Variants in ZNF215 observed in about 807,000 individuals in gnomAD.
The protein encoded by ZNF215 is BWSCR2-associated zinc finger protein 2.
In ZNF215, 24 loss-of-function variants were observed where a neutral mutation model predicts 27.2. That is an observed-to-expected ratio of 0.88 (90% CI 0.64 to 1.24). ZNF215 has a LOEUF of 1.24. Ranked by LOEUF, ZNF215 falls within the 50% of genes most tolerant of loss-of-function variation. The pLI is 0.00. For synonymous variants in ZNF215, 210 were observed against 204.0 expected, an observed-to-expected ratio of 1.03 and a Z score of -0.25; for missense variants, 675 against 605.7, an observed-to-expected ratio of 1.11 and a Z score of -1.20.
At chr11:6,935,352 A>C (rs1263274156) in intron 3 of ZNF215, among the ~76,000 whole-genome samples, 1 of 152,198 alleles carries the variant, frequency 6.6e-6, no homozygotes, top group East Asian at 1.9e-4. Flanking sequence ...GCCCTAATAC[A>C]CACAATGCAT....
chr11:6,988,235 G>T (rs1851081049), downstream of ZNF215: 7 of 985,516 alleles, frequency 7.1e-6, no homozygotes, highest in Non-Finnish European at 8.4e-6. Context: ...ACTGAAGGAA[G>T]CAGAATGAGG....
chr11:6,954,199 TGAG>T (rs140252757), intron 6 of ZNF215, among the ~76,000 whole-genome samples: 107,983 of 151,612 alleles, frequency 0.71, 38,595 homozygotes, highest in South Asian at 0.8. Flanking sequence ...GGGACCCACT[TGAG>T]GAGGCAGTCT....
chr11:6,939,900 T>C (rs75643440), intron 3 of ZNF215, among the ~76,000 whole-genome samples: 1,529 of 152,118 alleles, frequency 0.01, 29 homozygotes, highest in African/African-American at 0.035. Flanking sequence ...ATTGAGCAGA[T>C]TGACATTCCA....
chr11:6,965,477 A>G (rs1021953574), intron 5 of ZNF215, among the ~76,000 whole-genome samples: 1 of 3,538 alleles, frequency 2.8e-4, no homozygotes, highest in African/African-American at 3.1e-4. Flanking sequence ...ATGTTTCTAG[A>G]ACTATTTATA....
intron 5 of ZNF215, among the ~76,000 whole-genome samples, chr11:6,965,948 C>T (rs1474729685): frequency 6.6e-6 from 1 of 152,008 alleles, no homozygotes; most frequent in African/African-American, 2.4e-5. Flanking sequence ...AAAGTTGTTC[C>T]TTATTTTCTA....
At chr11:6,975,560 C>G (rs1289288097) in intron 5 of ZNF215, among the ~76,000 whole-genome samples, 1 of 151,944 alleles carries the variant, frequency 6.6e-6, no homozygotes, top group East Asian at 1.9e-4. Context: ...CTTCTATTCT[C>G]TACGTCCGTG....
At position 6,956,420 on chromosome 11, in the gene ZNF215, A is replaced by G; in HGVS notation, c.1443A>G (p.Gln481=). 6.2e-7 allele frequency: 1 copy of G among 1,614,144 alleles called. No individual in the cohort carries two copies. Among genetic ancestry groups the G allele is most frequent in the South Asian group, 1.1e-5 (1 of 91,084 alleles). The change falls in exon 7 of 7, where the codon CAA becomes CAG. Residue 481 remains glutamine, a synonymous_variant. Coordinates refer to ENST00000278319, the MANE Select transcript of ZNF215 (RefSeq NM_013250.4). ...GGAGCTCCTCTCTTATTCGACACCA[A>G]ATGATTCACACGGGAGAGAAACCAT... The part of the protein sequence containing the change: ...FNRSSSLIRH[Q]MIHTGEKPFK...
At chr11:6,952,717 G>A (rs1850127646) in intron 6 of ZNF215, among the ~76,000 whole-genome samples, 1 of 152,116 alleles carries the variant, frequency 6.6e-6, no homozygotes, top group Non-Finnish European at 1.5e-5. Flanking sequence ...TTTAATTGGA[G>A]CATTTAGTCC....
At chr11:6,943,521 T>C in intron 5 of ZNF215, 25 bp from the exon 6 acceptor site, 1 of 1,587,178 alleles carries the variant, frequency 6.3e-7, no homozygotes, top group East Asian at 2.2e-5. Context: ...GTTGTTGTTG[T>C]TCTTTTTATT....
downstream of ZNF215, among the ~76,000 whole-genome samples, chr11:6,987,434 C>G (rs985805449): frequency 6.6e-6 from 1 of 152,174 alleles, no homozygotes; most frequent in African/African-American, 2.4e-5. Context: ...TACTCACTAA[C>G]TGGATGACAC....
At chr11:6,952,320 T>C (rs1288632527) in intron 6 of ZNF215, among the ~76,000 whole-genome samples, 1 of 152,214 alleles carries the variant, frequency 6.6e-6, no homozygotes, top group African/African-American at 2.4e-5. Context: ...ATCTATCTAA[T>C]GTTGACAGTA....
chr11:6,956,076 A>G lies in ZNF215; in HGVS notation c.1099A>G (p.Ile367Val), dbSNP rs767914018. ...YGNDLSLSTDIRHQKSHTTMN... is the reference protein window; with the variant it reads ...YGNDLSLSTDVRHQKSHTTMN... ...GAATGACTTGAGTTTGAGTACAGAT[A>G]TTCGACACCAAAAAAGTCATACTAC... is the stretch of plus-strand genomic sequence containing the variant. Residue 367 changes from isoleucine to valine, a missense_variant, in exon 7 of 7, where the codon ATT becomes GTT. Transcript: ENST00000278319. 4 of 1,612,244 alleles carry G rather than the reference A, an allele frequency of 2.5e-6. No homozygotes were observed. The highest frequency in any genetic ancestry group is 2.5e-6 in the Non-Finnish European group (3 of 1,179,524).
chr11:6,989,097 A>C (rs953149033), downstream of ZNF215, among the ~76,000 whole-genome samples: 3 of 138,438 alleles, frequency 2.2e-5, no homozygotes, highest in African/African-American at 8.1e-5. Context: ...CAGAGGTTGC[A>C]GTGAGCCCAG....
chr11:6,963,791 G>A (rs1391898831), intron 5 of ZNF215, among the ~76,000 whole-genome samples: 2 of 151,998 alleles, frequency 1.3e-5, no homozygotes, highest in African/African-American at 2.4e-5. Context: ...ACTAACATTG[G>A]ATATTCCCAG....
At chr11:6,983,593 TA>T (rs1851004845) in intron 5 of ZNF215, among the ~76,000 whole-genome samples, 2 of 152,184 alleles carry the variant, frequency 1.3e-5, no homozygotes, top group Non-Finnish European at 2.9e-5. Flanking sequence ...ATCAAAGTTT[TA>T]AATATGAGAA....
chr11:6,943,564 C>G lies in ZNF215; in HGVS notation c.635C>G (p.Pro212Arg), dbSNP rs1849705177. ...SLRKAHLLSK[P>R]FESLKLESKK... ...TGAACAGCACATCTACTTTCCAAAC[C>G]ATTTGAGAGCCTTAAGTTGGAGAGT... The change falls in exon 6 of 7, where the codon CCA becomes CGA. Residue 212 changes from proline to arginine, a missense_variant. Coordinates refer to ENST00000278319, the MANE Select transcript of ZNF215 (RefSeq NM_013250.4). The G allele has an allele frequency of 3.1e-6, 5 of 1,613,416 alleles. No individual in the cohort carries two copies. Among genetic ancestry groups the G allele is most frequent in the African/African-American group, 1.3e-5 (1 of 74,806 alleles).
chr11:6,959,314 C>G (rs1227965032), downstream of ZNF215, among the ~76,000 whole-genome samples: 2 of 152,130 alleles, frequency 1.3e-5, no homozygotes, highest in Non-Finnish European at 2.9e-5. Flanking sequence ...ATGGAGCTTT[C>G]ATTTCATAGA....
intron 6 of ZNF215, 21 bp from the exon 7 acceptor site, chr11:6,955,669 G>C: frequency 6.5e-7 from 1 of 1,527,724 alleles, no homozygotes; most frequent in South Asian, 1.3e-5. Context: ...CTAGTTCATG[G>C]CATTTTTTAT....
At chr11:6,966,442 A>C (rs527882511) in intron 5 of ZNF215, among the ~76,000 whole-genome samples, 2 of 152,200 alleles carry the variant, frequency 1.3e-5, no homozygotes, top group South Asian at 4.2e-4. Flanking sequence ...CAATTTACCC[A>C]TGTAACAAAC....
Sources: gnomAD v4.1 joint callset for allele counts (sites outside exome capture counted in the v4.1 genomes callset) on GRCh38, gnomAD v4.1.1 for gene constraint, MANE v1.5 for transcripts, NCBI Gene and HGNC (gene_info 2026-07-23, HGNC 2026-07-21) for gene names.